Variants in SPATA18 observed in about 807,000 individuals in gnomAD.
SPATA18 encodes mitochondria-eating protein.
A neutral mutation model predicts 68.1 loss-of-function variants in SPATA18; 54 were observed. That is an observed-to-expected ratio of 0.79 (90% confidence interval 0.64 to 0.99). SPATA18 has a LOEUF of 0.99. SPATA18 is among the 50% of genes least tolerant of loss of function. The pLI is 0.00. For missense variants in SPATA18, 724 were observed against 681.1 expected, an observed-to-expected ratio of 1.06 and a Z score of -0.70; for synonymous variants, 242 against 244.8, an observed-to-expected ratio of 0.99 and a Z score of 0.11.
rs760082786 is a variant in SPATA18 at position 52,079,841 on chromosome 4, T to C, written c.1277T>C (p.Ile426Thr). The C allele has an allele frequency of 1.9e-6, 3 of 1,614,104 alleles. No homozygotes were observed. The highest frequency in any genetic ancestry group is 4.5e-5 in the East Asian group (2 of 44,882). ...LSDFIQEICC[I>T]AFAMQALEPP... The stretch of plus-strand genomic sequence containing the variant: ...GACTTCATCCAGGAGATATGTTGCA[T>C]TGCCTTTGCAATGCAGGCCTTAGAA... Residue 426 changes from isoleucine to threonine, a missense_variant, in exon 9 of 13, where the codon ATT becomes ACT. Ile to Thr is a moderately conservative substitution (Grantham distance 89, BLOSUM62 -1). Coordinates refer to ENST00000295213, the MANE Select transcript of SPATA18 (RefSeq NM_145263.4).
chr4:52,077,398 TCCTC>T (rs1295517019), intron 7 of SPATA18, among the ~76,000 whole-genome samples: 1 of 129,846 alleles, frequency 7.7e-6, no homozygotes, highest in Non-Finnish European at 1.8e-5. Flanking sequence ...TCTCCCTTCT[TCCTC>T]CATTGTTTCC....
At chr4:52,082,756 A>G in intron 10 of SPATA18, 1 of 1,332,030 alleles carries the variant, frequency 7.5e-7, no homozygotes, top group Non-Finnish European at 9.6e-7. Context: ...AATCAGTCAT[A>G]TTTACCTCCT....
chr4:52,079,730 CTT>C lies in SPATA18; in HGVS notation c.1180-11_1180-10del, dbSNP rs1740751224. 1 of 1,612,794 alleles carries C rather than the reference CTT, an allele frequency of 6.2e-7. No homozygotes were observed. Among genetic ancestry groups the C allele is most frequent in the Non-Finnish European group, 8.5e-7 (1 of 1,179,344 alleles). ...CAGGCTGGTAACAAAGTGATGCCAT[CTT>C]TTGTTTTTCAGGATGTGATCCGAGC... On this transcript the variant is annotated splice_polypyrimidine_tract_variant and intron_variant, in intron 8 of 12. Transcript: ENST00000295213.
rs540568927 is a variant in SPATA18, at chr4:52,082,717, C to A, written c.1479+207C>A. The A allele has an allele frequency of 7.1e-6, 10 of 1,406,094 alleles. No individual in the cohort carries two copies. In the Admixed American group the frequency reaches 1.6e-4, roughly 23 times the overall value. The allele number at this position is 1,406,094 out of a possible 1,614,324, so 87.1% of individuals were successfully genotyped here. ...CTGCATAATTTCCTGGCAGTAATTTCTTTACTTCTTGCTTTATTTAGGAGA... is the reference window on the plus strand; with the variant it reads ...CTGCATAATTTCCTGGCAGTAATTTATTTACTTCTTGCTTTATTTAGGAGA... On this transcript the variant is annotated intron_variant, in intron 10 of 12. Coordinates refer to ENST00000295213, the MANE Select transcript of SPATA18 (RefSeq NM_145263.4).
At chr4:52,075,806 T>G (rs765629975) in intron 6 of SPATA18, among the ~76,000 whole-genome samples, 3 of 152,212 alleles carry the variant, frequency 2.0e-5, no homozygotes, top group Non-Finnish European at 4.4e-5. Flanking sequence ...CCCGGCTTTA[T>G]CATTGTTAGG....
At position 52,079,848 on chromosome 4, in the gene SPATA18, T is replaced by C. The variant is rs754383639; in HGVS notation, c.1284T>C (p.Phe428=). 1 of 1,613,848 alleles carries C rather than the reference T, an allele frequency of 6.2e-7. No individual in the cohort carries two copies. The highest frequency in any genetic ancestry group is 1.7e-5 in the Admixed American group (1 of 60,008). The change falls in exon 9 of 13, where the codon TTT becomes TTC. Residue 428 remains phenylalanine, a synonymous_variant. Coordinates refer to ENST00000295213, the MANE Select transcript of SPATA18 (RefSeq NM_145263.4). The part of the protein sequence containing the change: ...DFIQEICCIA[F]AMQALEPPLD... ...TCCAGGAGATATGTTGCATTGCCTT[T>C]GCAATGCAGGCCTTAGAACCACCCC...
Position 52,069,843 on chromosome 4 carries a change from C to T in SPATA18, c.445C>T (p.Leu149Phe). 1 of 1,587,048 alleles carries T rather than the reference C, an allele frequency of 6.3e-7. No homozygotes were observed. The highest frequency in any genetic ancestry group is 8.6e-7 in the Non-Finnish European group (1 of 1,163,336). ...QDDLVETEKN[L>F]EESKNRSAIS... Reference sequence around the variant, plus strand: ...CAGTCTGGTTGAAACTGAAAAGAATCTTGAAGAAAGCAAGAACAGATCGGC... The same window carrying T: ...CAGTCTGGTTGAAACTGAAAAGAATTTTGAAGAAAGCAAGAACAGATCGGC... Residue 149 changes from leucine to phenylalanine, a missense_variant, in exon 5 of 13, where the codon CTT becomes TTT. By Grantham distance (22) the Leu-to-Phe change is conservative. Coordinates refer to ENST00000295213, the MANE Select transcript of SPATA18 (RefSeq NM_145263.4).
At chr4:52,093,404 T>A (rs1218060825) in intron 11 of SPATA18, among the ~76,000 whole-genome samples, 2 of 152,142 alleles carry the variant, frequency 1.3e-5, no homozygotes, top group African/African-American at 4.8e-5. Flanking sequence ...GGAAGGAATA[T>A]TCAGGTGAAG....
At chr4:52,059,702 C>CTAT (rs1560582616) in intron 1 of SPATA18, among the ~76,000 whole-genome samples, 2 of 152,220 alleles carry the variant, frequency 1.3e-5, no homozygotes, top group African/African-American at 4.8e-5. Context: ...GAGTAACTGG[C>CTAT]TATTCATCTG....
At chr4:52,052,388 G>T (rs188402405) in intron 1 of SPATA18, among the ~76,000 whole-genome samples, 1 of 152,124 alleles carries the variant, frequency 6.6e-6, no homozygotes, top group Admixed American at 6.5e-5. Flanking sequence ...CCTTTTTCCA[G>T]GCATTTGTGA....
rs765336032 is a variant in SPATA18, at chr4:52,062,253, A to G, written c.343A>G (p.Ser115Gly). The G allele has an allele frequency of 1.2e-6, 2 of 1,601,986 alleles. No homozygotes were observed. Among genetic ancestry groups the G allele is most frequent in the Non-Finnish European group, 1.7e-6 (2 of 1,174,144 alleles). The change falls in exon 4 of 13, where the codon AGT becomes GGT. Residue 115 changes from serine to glycine, a missense_variant. By Grantham distance (56) the Ser-to-Gly change is moderately conservative. Coordinates refer to ENST00000295213, the MANE Select transcript of SPATA18 (RefSeq NM_145263.4). ...TGATAGGGAGAGACATAAAGATCCCAGTCCTCGGGATCGGGATATGCAACA... is the reference window on the plus strand; with the variant it reads ...TGATAGGGAGAGACATAAAGATCCCGGTCCTCGGGATCGGGATATGCAACA... ...TFDRERHKDPSPRDRDMQQLD... is the reference protein window; with the variant it reads ...TFDRERHKDPGPRDRDMQQLD...
chr4:52,067,048 C>T (rs1024841170), intron 4 of SPATA18, among the ~76,000 whole-genome samples: 17 of 152,192 alleles, frequency 1.1e-4, no homozygotes, highest in Middle Eastern at 3.4e-3. Flanking sequence ...AATGGTATTT[C>T]GGTTCTAGAT....
At chr4:52,056,638 G>A (rs900871951) in intron 1 of SPATA18, among the ~76,000 whole-genome samples, 6 of 152,108 alleles carry the variant, frequency 3.9e-5, no homozygotes, top group Non-Finnish European at 8.8e-5. Context: ...CTTAGGTAAT[G>A]CTGAAATCGG....
At chr4:52,083,138 T>C in intron 10 of SPATA18, 1 of 985,418 alleles carries the variant, frequency 1.0e-6, no homozygotes, top group Non-Finnish European at 1.2e-6. Context: ...TGTGGGTGTG[T>C]ACGTGTTGTA....
At chr4:52,066,393 G>C (rs920816035) in intron 4 of SPATA18, among the ~76,000 whole-genome samples, 3 of 152,080 alleles carry the variant, frequency 2.0e-5, no homozygotes, top group African/African-American at 7.2e-5. Context: ...CTCATGATCC[G>C]CCCACCTCAG....
intron 4 of SPATA18, 64 bp from the exon 5 acceptor site, chr4:52,069,757 G>A: frequency 1.6e-6 from 2 of 1,270,502 alleles, no homozygotes; most frequent in Non-Finnish European, 1.1e-6. Flanking sequence ...GTGAGCCTCT[G>A]CCTTGATTTA....
chr4:52,072,433 C>T (rs1025194720), intron 6 of SPATA18, among the ~76,000 whole-genome samples: 5 of 151,954 alleles, frequency 3.3e-5, no homozygotes, highest in Admixed American at 6.6e-5. Context: ...GACAGAGTCC[C>T]GCTCTGTCAC....
chr4:52,090,877 G>T (rs773548213), intron 11 of SPATA18, among the ~76,000 whole-genome samples: 1 of 152,066 alleles, frequency 6.6e-6, no homozygotes, highest in Non-Finnish European at 1.5e-5. Flanking sequence ...AACCTGAAGA[G>T]TGTTTTCCAG....
At chr4:52,066,470 T>C (rs2109437816) in intron 4 of SPATA18, among the ~76,000 whole-genome samples, 1 of 152,336 alleles carries the variant, frequency 6.6e-6, no homozygotes, top group East Asian at 1.9e-4. Context: ...ATCCTTCTGA[T>C]TAAAAGCCGT....
Sources: allele counts gnomAD v4.1 joint callset (sites outside exome capture counted in the v4.1 genomes callset), GRCh38; gene constraint gnomAD v4.1.1; transcripts MANE v1.5; gene names NCBI Gene and HGNC (gene_info 2026-07-23, HGNC 2026-07-21).